OR56A3: variants seen among roughly 807,000 people sequenced by gnomAD.
OR56A3 encodes the protein olfactory receptor 56A3.
OR56A3 carries 23 observed loss-of-function variants against 17.5 expected under a neutral mutation model. The observed-to-expected ratio is 1.32, with a 90% CI of 0.95 to 1.87. The LOEUF (loss-of-function observed/expected upper bound fraction) is 1.87. OR56A3 is among the 40% of genes most tolerant of loss of function. The pLI, the probability that OR56A3 is intolerant of heterozygous loss-of-function variation, is 0.00. For missense variants in OR56A3, 366 were observed against 380.1 expected (o/e 0.96, Z 0.31); for synonymous variants, 175 against 150.6 (o/e 1.16, Z -1.19).
At chr11:5,992,637 C>A in the OR56A3 span, among the ~76,000 whole-genome samples, 23 of 152,164 alleles carry the variant, frequency 1.5e-4, no homozygotes, top group Non-Finnish European at 2.9e-4. Flanking sequence ...AGGGCCTCAA[C>A]CCCCTTGCCA....
the OR56A3 span, among the ~76,000 whole-genome samples, chr11:5,981,577 C>T: frequency 6.6e-6 from 1 of 152,116 alleles, no homozygotes; most frequent in Non-Finnish European, 1.5e-5. Context: ...TACTGGATTC[C>T]TTAGATTCCT....
the OR56A3 span, among the ~76,000 whole-genome samples, chr11:5,998,805 G>A: frequency 1.3e-5 from 2 of 152,222 alleles, no homozygotes; most frequent in African/African-American, 2.4e-5. Context: ...TGCACACTGT[G>A]TGGTCATGAA....
the OR56A3 span, among the ~76,000 whole-genome samples, chr11:5,984,294 A>C: frequency 6.6e-6 from 1 of 152,248 alleles, no homozygotes; most frequent in Non-Finnish European, 1.5e-5. Flanking sequence ...AAGATCTGAG[A>C]TGAAAAACGT....
the OR56A3 span, among the ~76,000 whole-genome samples, chr11:6,009,161 C>T: frequency 6.6e-6 from 1 of 152,136 alleles, no homozygotes; most frequent in Non-Finnish European, 1.5e-5. Flanking sequence ...TGATACATTT[C>T]CAGTTCAACC....
At chr11:5,977,258 G>A in the OR56A3 span, among the ~76,000 whole-genome samples, 1 of 152,092 alleles carries the variant, frequency 6.6e-6, no homozygotes, top group African/African-American at 2.4e-5. Context: ...TCAAATTGTA[G>A]TTCTGTACTA....
the OR56A3 span, among the ~76,000 whole-genome samples, chr11:5,957,714 G>A: frequency 6.6e-6 from 1 of 152,148 alleles, no homozygotes; most frequent in South Asian, 2.1e-4. Flanking sequence ...AATAAGAGTT[G>A]CAAATAAGTG....
At chr11:5,947,223 GA>G in intron 2 of OR56A3, 87 bp from the exon 3 acceptor site, 1 of 910,908 alleles carries the variant, frequency 1.1e-6, no homozygotes, top group African/African-American at 1.7e-5. Flanking sequence ...TAACCTGCTA[GA>G]AACCACAAGT....
the OR56A3 span, among the ~76,000 whole-genome samples, chr11:5,974,536 G>A: frequency 2.6e-5 from 4 of 152,148 alleles, no homozygotes; most frequent in Non-Finnish European, 4.4e-5. Flanking sequence ...GCTAGGATTC[G>A]GTTATTCACA....
rs1049460928 is a variant in OR56A3 at position 5,948,600 on chromosome 11, T to A, written c.*306T>A. The A allele has an allele frequency of 3.5e-6, 1 of 286,636 alleles. No individual in the cohort carries two copies. The highest frequency in any genetic ancestry group is 6.3e-5 in the East Asian group (1 of 15,958). 17.8% of individuals were successfully genotyped at this position (286,636 alleles called of 1,614,324 possible). ...ATGTTTCTGAACACACAACTCAATA[T>A]GTCATGAATTTTGTATCATTAAAAA... On this transcript the variant is annotated 3_prime_UTR_variant, in exon 3 of 3. Transcript: ENST00000641160.
the OR56A3 span, among the ~76,000 whole-genome samples, chr11:6,015,090 T>C: frequency 6.4e-3 from 933 of 146,182 alleles, 7 homozygotes; most frequent in Non-Finnish European, 9.8e-3. Flanking sequence ...CCTGGCCATG[T>C]GGTAGAAAAG....
At chr11:5,956,869 A>G in the OR56A3 span, among the ~76,000 whole-genome samples, 4 of 152,172 alleles carry the variant, frequency 2.6e-5, no homozygotes, top group Non-Finnish European at 1.5e-5. Flanking sequence ...TTTAAATATA[A>G]AGAGAGGCCT....
chr11:6,020,099 C>G, the OR56A3 span: 1 of 152,080 alleles, frequency 6.6e-6, no homozygotes, highest in Admixed American at 6.6e-5. Context: ...TCTCCTCCCC[C>G]ACCACATACT....
the OR56A3 span, among the ~76,000 whole-genome samples, chr11:5,974,347 C>T: frequency 8.4e-4 from 128 of 152,136 alleles, no homozygotes; most frequent in Admixed American, 1.7e-3. Context: ...CCTCGTGATC[C>T]GCCCGCCTCG....
At chr11:5,975,434 AC>A in the OR56A3 span, among the ~76,000 whole-genome samples, 1 of 134,618 alleles carries the variant, frequency 7.4e-6, no homozygotes, top group East Asian at 2.2e-4. Context: ...TTCAATTCCC[AC>A]CTATGAGTGA....
At chr11:5,995,758 T>C in the OR56A3 span, among the ~76,000 whole-genome samples, 21 of 152,334 alleles carry the variant, frequency 1.4e-4, no homozygotes, top group African/African-American at 5.1e-4. Flanking sequence ...AAACGTTCAC[T>C]ATCTTTTCAT....
chr11:6,013,180 G>A, the OR56A3 span, among the ~76,000 whole-genome samples: 1 of 152,248 alleles, frequency 6.6e-6, no homozygotes. Flanking sequence ...GCTGCTGCCT[G>A]CTCCTGGCTC....
chr11:5,966,347 C>T, the OR56A3 span, among the ~76,000 whole-genome samples: 3 of 152,048 alleles, frequency 2.0e-5, no homozygotes, highest in Non-Finnish European at 4.4e-5. Context: ...GAACTCCAGC[C>T]TGGGCGATAG....
At chr11:5,977,111 C>A in the OR56A3 span, among the ~76,000 whole-genome samples, 1 of 152,170 alleles carries the variant, frequency 6.6e-6, no homozygotes, top group Non-Finnish European at 1.5e-5. Flanking sequence ...ATCCAACCCA[C>A]TGTTGATGGG....
At chr11:5,956,882 C>A in the OR56A3 span, among the ~76,000 whole-genome samples, 1 of 152,134 alleles carries the variant, frequency 6.6e-6, no homozygotes, top group Non-Finnish European at 1.5e-5. Flanking sequence ...AGAGGCCTGG[C>A]GCGGTGTCTC....
Sources: gnomAD v4.1 joint callset for allele counts (sites outside exome capture counted in the v4.1 genomes callset) on GRCh38, gnomAD v4.1.1 for gene constraint, MANE v1.5 for transcripts, NCBI Gene and HGNC (gene_info 2026-07-23, HGNC 2026-07-21) for gene names.